Variants in CSMD3 observed in about 807,000 individuals in gnomAD.
The protein encoded by CSMD3 is CUB and Sushi multiple domains 3.
Under a neutral mutation model 435.2 loss-of-function variants are expected in CSMD3, and 177 were observed. That is an observed-to-expected ratio of 0.41 (90% CI 0.36 to 0.46). CSMD3 has a LOEUF of 0.46. Ranked by LOEUF, CSMD3 falls within the 20% of genes least tolerant of loss-of-function variation. CSMD3 has a pLI of 0.34. For missense variants in CSMD3, 4,265 were observed against 4,504.6 expected, an observed-to-expected ratio of 0.95 and a Z score of 1.52; for synonymous variants, 1,656 against 1,520.5, an observed-to-expected ratio of 1.09 and a Z score of -2.07.
intron 1 of CSMD3, among the ~76,000 whole-genome samples, chr8:113,414,522 G>A (rs960249999): frequency 6.6e-6 from 1 of 151,932 alleles, no homozygotes; most frequent in African/African-American, 2.4e-5. Context: ...TAGGCAGAAA[G>A]TACAAATAAC....
chr8:112,306,224 T>A (rs1821408471), intron 50 of CSMD3, 32 bp from the exon 51 acceptor site: 2 of 1,559,272 alleles, frequency 1.3e-6, no homozygotes, highest in South Asian at 2.2e-5. Flanking sequence ...CAAAATCGTA[T>A]AAACAGAAAA....
At chr8:112,566,253 T>C (rs1038625702) in intron 24 of CSMD3, among the ~76,000 whole-genome samples, 1 of 152,076 alleles carries the variant, frequency 6.6e-6, no homozygotes, top group Non-Finnish European at 1.5e-5. Flanking sequence ...GTTAGCTATG[T>C]GACCTTGGGT....
intron 24 of CSMD3, among the ~76,000 whole-genome samples, chr8:112,566,314 A>G (rs1178347992): frequency 6.6e-6 from 1 of 152,030 alleles, no homozygotes; most frequent in Non-Finnish European, 1.5e-5. Context: ...CTCCCTGGGA[A>G]TAATAATATT....
intron 59 of CSMD3, among the ~76,000 whole-genome samples, chr8:112,271,472 T>C (rs1403539244): frequency 1.3e-5 from 2 of 152,122 alleles, no homozygotes; most frequent in South Asian, 2.1e-4. Flanking sequence ...TTGACCATTG[T>C]AGTGAAGACA....
chr8:112,439,778 C>T (rs1022036342), intron 32 of CSMD3, among the ~76,000 whole-genome samples: 2 of 152,108 alleles, frequency 1.3e-5, no homozygotes, highest in African/African-American at 4.8e-5. Flanking sequence ...CCTCACCAAA[C>T]CATCAGCTCT....
rs142194970 is a variant in CSMD3 at position 112,494,000 on chromosome 8, G to C, written c.5084-1317C>G. ...TGGAATCTTTGAAATGTAAGTCAAC[G>C]ATATCTTGGTGTTTGGCTACTACAA... On this transcript the variant is annotated intron_variant, in intron 30 of 70. Transcript: ENST00000297405. 5.7e-3 allele frequency among the ~76,000 whole-genome samples: 864 copies of C among 152,120 alleles called. 12 individuals are homozygous for C. Among genetic ancestry groups the C allele is most frequent in the African/African-American group, 0.02 (825 of 41,536 alleles).
chr8:113,019,893 G>C (rs2086621790), intron 5 of CSMD3, among the ~76,000 whole-genome samples: 3 of 151,976 alleles, frequency 2.0e-5, no homozygotes, highest in Non-Finnish European at 4.4e-5. Context: ...GCCGGGCGCG[G>C]TGGCTCACGC....
At chr8:113,356,771 T>C (rs951841912) in intron 1 of CSMD3, among the ~76,000 whole-genome samples, 3 of 152,024 alleles carry the variant, frequency 2.0e-5, no homozygotes, top group African/African-American at 7.2e-5. Context: ...CTAAAACACA[T>C]CTTGTGAGTG....
chr8:112,893,722 T>C (rs1367322783), intron 10 of CSMD3, among the ~76,000 whole-genome samples: 4 of 151,514 alleles, frequency 2.6e-5, no homozygotes, highest in Admixed American at 6.6e-5. Flanking sequence ...TTATTTCTAA[T>C]AGTGTGATTT....
intron 3 of CSMD3, among the ~76,000 whole-genome samples, chr8:113,226,825 T>C (rs2093034155): frequency 6.6e-6 from 1 of 151,670 alleles, no homozygotes; most frequent in Middle Eastern, 3.4e-3. Flanking sequence ...ATATGAACAA[T>C]AGGTATAACA....
At chr8:113,020,818 T>C (rs1037847186) in intron 5 of CSMD3, among the ~76,000 whole-genome samples, 1 of 152,092 alleles carries the variant, frequency 6.6e-6, no homozygotes, top group Admixed American at 6.6e-5. Flanking sequence ...AGGGGAACAG[T>C]AGAAGGAGGA....
intron 3 of CSMD3, among the ~76,000 whole-genome samples, chr8:113,201,544 C>T (rs552955325): frequency 6.6e-6 from 1 of 151,970 alleles, no homozygotes; most frequent in African/African-American, 2.4e-5. Context: ...GGGAATCCAT[C>T]ATAAAATACA....
intron 13 of CSMD3, among the ~76,000 whole-genome samples, chr8:112,751,628 G>GGTTT (rs1375084816): frequency 2.2e-5 from 3 of 133,668 alleles, no homozygotes; most frequent in Non-Finnish European, 3.3e-5. Context: ...AGAAGTTTAG[G>GGTTT]TTTTTTTTTT....
chr8:113,275,958 G>GA (rs1269512602), intron 3 of CSMD3, among the ~76,000 whole-genome samples: 13 of 151,930 alleles, frequency 8.6e-5, no homozygotes, highest in African/African-American at 2.4e-4. Flanking sequence ...GGTAACTGCA[G>GA]AAAAAAAACT....
chr8:113,335,176 C>T (rs1388672907), intron 1 of CSMD3, among the ~76,000 whole-genome samples: 1 of 152,118 alleles, frequency 6.6e-6, no homozygotes, highest in African/African-American at 2.4e-5. Flanking sequence ...TCCTCCATTA[C>T]CTTCCACCAT....
intron 40 of CSMD3, among the ~76,000 whole-genome samples, chr8:112,348,074 T>TAAC (rs1282776685): frequency 1.3e-5 from 2 of 152,134 alleles, no homozygotes; most frequent in African/African-American, 4.8e-5. Context: ...AGTAAAGAGA[T>TAAC]AACAACAACA....
At chr8:112,525,451 T>G (rs1824782858) in intron 27 of CSMD3, among the ~76,000 whole-genome samples, 1 of 150,600 alleles carries the variant, frequency 6.6e-6, no homozygotes, top group Non-Finnish European at 1.5e-5. Flanking sequence ...CCGGGAGCAG[T>G]GGCTCACGCC....
At chr8:112,548,766 G>T (rs1343925433) in intron 27 of CSMD3, among the ~76,000 whole-genome samples, 3 of 152,056 alleles carry the variant, frequency 2.0e-5, no homozygotes, top group African/African-American at 7.2e-5. Context: ...CTCTAGCCAA[G>T]AGGTTAATTT....
chr8:113,280,683 C>G (rs748245031), intron 2 of CSMD3, among the ~76,000 whole-genome samples: 2 of 151,412 alleles, frequency 1.3e-5, no homozygotes, highest in Non-Finnish European at 3.0e-5. Flanking sequence ...TGGTTATTTC[C>G]TTTCTTCTAC....
Sources: gnomAD v4.1 joint callset for allele counts (sites outside exome capture counted in the v4.1 genomes callset) on GRCh38, gnomAD v4.1.1 for gene constraint, MANE v1.5 for transcripts, NCBI Gene and HGNC (gene_info 2026-07-23, HGNC 2026-07-21) for gene names.